ZSCAN25: variants seen among roughly 807,000 people sequenced by gnomAD.
ZSCAN25 encodes the protein zinc finger and SCAN domain-containing protein 25.
Under a neutral mutation model 38.7 loss-of-function variants are expected in ZSCAN25, and 27 were observed. That is an observed-to-expected ratio of 0.70 (90% confidence interval 0.51 to 0.96). ZSCAN25 has a LOEUF of 0.96. Ranked by LOEUF, ZSCAN25 falls within the 40% of genes least tolerant of loss-of-function variation. ZSCAN25 has a pLI of 0.00. For synonymous variants in ZSCAN25, 273 were observed against 277.7 expected (o/e 0.98, Z 0.17); for missense variants, 637 against 705.9 (o/e 0.90, Z 1.11).
chr7:99,652,839 C>A, the ZSCAN25 span: 1 of 1,261,958 alleles, frequency 7.9e-7, no homozygotes, highest in Non-Finnish European at 1.1e-6. Context: ...TCAACTGAGT[C>A]CATGCAGTAC....
At chr7:99,669,797 TATGTTAA>T in the ZSCAN25 span, among the ~76,000 whole-genome samples, 3 of 152,234 alleles carry the variant, frequency 2.0e-5, no homozygotes, top group South Asian at 6.2e-4. Context: ...CAGTGAAAAA[TATGTTAA>T]AGCAATTTTC....
In ZSCAN25 at chr7:99,630,617, A is replaced by G. The variant is rs150279026; in HGVS notation, c.*597A>G. On this transcript the variant is annotated 3_prime_UTR_variant, in exon 8 of 8. Coordinates refer to ENST00000394152, the MANE Select transcript of ZSCAN25 (RefSeq NM_145115.3). Reference sequence around the variant, plus strand: ...CCCGTGAGAACATCTTCCCATGACCACTCCTGCCCTCCTGCCCCGTGCTGG... The same window carrying G: ...CCCGTGAGAACATCTTCCCATGACCGCTCCTGCCCTCCTGCCCCGTGCTGG... 7,875 of 984,520 alleles carry G rather than the reference A, an allele frequency of 8.0e-3. 36 individuals carry two copies. The highest frequency in any genetic ancestry group is 8.9e-3 in the Non-Finnish European group (7,424 of 829,940). 61.0% of individuals were successfully genotyped at this position (984,520 alleles called of 1,614,324 possible). A position where few individuals can be genotyped will look rare whatever the true frequency, so the allele number is the denominator to read the frequency against.
chr7:99,622,801 A>G (rs1188763618), intron 6 of ZSCAN25, among the ~76,000 whole-genome samples, 161 bp downstream of exon 6: 2 of 151,994 alleles, frequency 1.3e-5, no homozygotes, highest in African/African-American at 2.4e-5. Context: ...CCTCCACTGA[A>G]CCATCAGCCG....
chr7:99,715,862 A>G, the ZSCAN25 span: 1 of 1,613,922 alleles, frequency 6.2e-7, no homozygotes. Context: ...GCTCACTCCA[A>G]ATGATGTGCT....
At chr7:99,635,425 A>G (rs529561506), downstream of ZSCAN25, among the ~76,000 whole-genome samples, 6 of 152,310 alleles carry the variant, frequency 3.9e-5, no homozygotes, top group South Asian at 6.2e-4. Flanking sequence ...TCTGCAGGCT[A>G]TAATTACCTG....
At chr7:99,728,575 G>T in the ZSCAN25 span, among the ~76,000 whole-genome samples, 1 of 152,258 alleles carries the variant, frequency 6.6e-6, no homozygotes, top group South Asian at 2.1e-4. Flanking sequence ...CAAGGCCTCT[G>T]CTTCCTCTGT....
At chr7:99,640,747 TAAAA>T in the ZSCAN25 span, among the ~76,000 whole-genome samples, 1 of 152,172 alleles carries the variant, frequency 6.6e-6, no homozygotes, top group East Asian at 1.9e-4. Flanking sequence ...TATGTTTTGA[TAAAA>T]AAACTCCATA....
At chr7:99,700,660 T>C in the ZSCAN25 span, among the ~76,000 whole-genome samples, 1 of 152,208 alleles carries the variant, frequency 6.6e-6, no homozygotes, top group Non-Finnish European at 1.5e-5. Flanking sequence ...TTTCTGTGCC[T>C]GTTTCCCTTA....
the ZSCAN25 span, among the ~76,000 whole-genome samples, chr7:99,637,491 G>A: frequency 6.6e-6 from 1 of 152,148 alleles, no homozygotes; most frequent in African/African-American, 2.4e-5. Context: ...TTTTTATGCA[G>A]TGTTAAGTTA....
At chr7:99,655,829 G>C in the ZSCAN25 span, among the ~76,000 whole-genome samples, 2 of 151,954 alleles carry the variant, frequency 1.3e-5, no homozygotes, top group East Asian at 1.9e-4. Flanking sequence ...GTATTTTATT[G>C]TCTTTGAAGC....
the ZSCAN25 span, chr7:99,730,731 A>G: frequency 8.3e-5 from 25 of 300,702 alleles, no homozygotes; most frequent in East Asian, 1.6e-3. Context: ...ATACTAACTA[A>G]GTATGGCTGT....
At chr7:99,670,793 T>C in the ZSCAN25 span, 1 of 152,196 alleles carries the variant, frequency 6.6e-6, no homozygotes. Context: ...AACCAAAATA[T>C]CTGATGAGCA....
At chr7:99,653,624 T>G in the ZSCAN25 span, among the ~76,000 whole-genome samples, 1 of 152,164 alleles carries the variant, frequency 6.6e-6, no homozygotes, top group South Asian at 2.1e-4. The surrounding 1 kb of genome is among the most constrained non-coding windows in gnomAD (Gnocchi z 4.2). Context: ...ATCCCCTCCT[T>G]TTGGAATAGT....
At chr7:99,704,004 T>C in the ZSCAN25 span, among the ~76,000 whole-genome samples, 2 of 152,106 alleles carry the variant, frequency 1.3e-5, no homozygotes, top group East Asian at 3.9e-4. Flanking sequence ...CTAATGGCTC[T>C]AGGGCTAAAT....
At chr7:99,706,009 G>T in the ZSCAN25 span, among the ~76,000 whole-genome samples, 1 of 152,172 alleles carries the variant, frequency 6.6e-6, no homozygotes, top group Admixed American at 6.5e-5. Flanking sequence ...ATCCTGAGTA[G>T]CTATTGTACA....
the ZSCAN25 span, among the ~76,000 whole-genome samples, chr7:99,690,646 A>G: frequency 6.6e-6 from 1 of 152,102 alleles, no homozygotes; most frequent in East Asian, 1.9e-4. Context: ...ATGAACAGAC[A>G]CTTCTCAAAA....
chr7:99,638,769 G>A, the ZSCAN25 span: 30 of 1,017,514 alleles, frequency 2.9e-5, no homozygotes, highest in Middle Eastern at 2.1e-4. Context: ...TCCCCATCGC[G>A]TCAGAGAAGC....
At chr7:99,677,661 A>G in the ZSCAN25 span, among the ~76,000 whole-genome samples, 3 of 152,372 alleles carry the variant, frequency 2.0e-5, no homozygotes, top group East Asian at 1.9e-4. Flanking sequence ...CAGGGGCAGC[A>G]TGAGCAGGCC....
chr7:99,689,974 A>G, the ZSCAN25 span, among the ~76,000 whole-genome samples: 2 of 152,238 alleles, frequency 1.3e-5, no homozygotes, highest in Admixed American at 6.5e-5. Flanking sequence ...GGAACCAGAA[A>G]AGAGCCCGCA....
Sources: allele counts gnomAD v4.1 joint callset (sites outside exome capture counted in the v4.1 genomes callset), GRCh38; gene constraint gnomAD v4.1.1; non-coding constraint Gnocchi (gnomAD v3.1); transcripts MANE v1.5; gene names NCBI Gene and HGNC (gene_info 2026-07-23, HGNC 2026-07-21).